Variants in ARHGEF9 observed in about 807,000 individuals in gnomAD.
ARHGEF9 encodes the protein rho guanine nucleotide exchange factor 9.
A neutral mutation model predicts 41.3 loss-of-function variants in ARHGEF9; 2 were observed. The observed-to-expected ratio is 0.05, with a 90% CI of 0.02 to 0.15. The LOEUF (loss-of-function observed/expected upper bound fraction) is 0.15. Ranked by LOEUF, ARHGEF9 falls within the 10% of genes least tolerant of loss-of-function variation. The pLI is 1.00. For synonymous variants in ARHGEF9, 160 were observed against 154.4 expected (o/e 1.04, Z -0.27); for missense variants, 225 against 424.7 (o/e 0.53, Z 4.13).
intron 8 of ARHGEF9, among the ~76,000 whole-genome samples, chrX:63,645,054 A>C (rs112973909): frequency 0.044 from 4,824 of 110,239 alleles, 180 homozygotes; most frequent in African/African-American, 0.12. Flanking sequence ...GGATTACAGG[A>C]ATGAGCCACT....
At chrX:63,706,995 T>C (rs782470851) in intron 2 of ARHGEF9, among the ~76,000 whole-genome samples, 10 of 112,350 alleles carry the variant, frequency 8.9e-5, no homozygotes, top group Non-Finnish European at 1.9e-5. Flanking sequence ...TAGCTATTAA[T>C]TGGCACCAAC....
intron 2 of ARHGEF9, among the ~76,000 whole-genome samples, chrX:63,711,447 C>G (rs782737047): frequency 9.0e-6 from 1 of 111,487 alleles, no homozygotes; most frequent in South Asian, 3.7e-4. Flanking sequence ...GGGACTGGCA[C>G]AAGAATAGAT....
At chrX:63,681,603 G>T (rs1356436907) in intron 4 of ARHGEF9, among the ~76,000 whole-genome samples, 1 of 110,833 alleles carries the variant, frequency 9.0e-6, no homozygotes, top group Non-Finnish European at 1.9e-5. Context: ...AGCAAAAAAA[G>T]TTCTAAGAGG....
rs782163767 is a variant in ARHGEF9, at chrX:63,638,179, G to A, written c.1421C>T (p.Ser474Phe). The change falls in exon 10 of 10, where the codon TCC becomes TTC. Residue 474 changes from serine (S) to phenylalanine (F), a missense_variant. Ser to Phe is a radical substitution (Grantham distance 155). Around this residue, in one of 3 missense-constraint regions of ARHGEF9, gnomAD observed 75 missense variants for 113.2 expected, o/e 0.66. Transcript: ENST00000671741. ...GVNSARSVPP[S>F]YPPPQDPLNH... ...TAACGGGTCCTGCGGTGGTGGGTAG[G>A]AAGGAGGAACTGAGCGGGCAGAGTT... 7.5e-6 allele frequency: 9 copies of A among 1,195,404 alleles called. No homozygotes were observed. The highest frequency in any genetic ancestry group is 7.9e-6 in the Non-Finnish European group (7 of 887,142).
intron 1 of ARHGEF9, among the ~76,000 whole-genome samples, chrX:63,758,297 G>C (rs1351620227): frequency 9.0e-6 from 1 of 110,984 alleles, no homozygotes; most frequent in Non-Finnish European, 1.9e-5. Flanking sequence ...CAGCTACCCT[G>C]ACACTGTTCT....
At chrX:63,728,147 C>G (rs1287149676) in intron 1 of ARHGEF9, among the ~76,000 whole-genome samples, 1 of 112,337 alleles carries the variant, frequency 8.9e-6, no homozygotes, top group African/African-American at 3.2e-5. Context: ...CAAGCCGGAG[C>G]AAAGGGATGT....
intron 1 of ARHGEF9, among the ~76,000 whole-genome samples, chrX:63,742,407 G>T (rs2055016462): frequency 9.0e-6 from 1 of 111,075 alleles, no homozygotes; most frequent in Non-Finnish European, 1.9e-5. Context: ...AAGAATCAGT[G>T]TGTAGATATG....
chrX:63,719,531 G>T lies in ARHGEF9; in HGVS notation c.210+5001C>A, dbSNP rs182832947. 1.1e-3 allele frequency: 302 copies of T among 285,432 alleles called. 1 individual carries two copies. The highest frequency in any genetic ancestry group is 1.6e-3 in the Non-Finnish European group (261 of 163,379). The allele number at this position is 285,432 out of a possible 1,213,427, so 23.5% of individuals were successfully genotyped here. On this transcript the variant is annotated intron_variant, in intron 2 of 9. Transcript: ENST00000671741. ...CTTCCACTGAAACAACCTTAAACTG[G>T]CAATGAATGACAGAACACATTGTTT...
At chrX:63,775,130 A>G (rs146314373) in intron 1 of ARHGEF9, among the ~76,000 whole-genome samples, 2 of 112,515 alleles carry the variant, frequency 1.8e-5, no homozygotes, top group Admixed American at 1.9e-4. Context: ...ATGAGATACC[A>G]TCTCACACCA....
chrX:63,748,835 C>G (rs2055434895), intron 1 of ARHGEF9, among the ~76,000 whole-genome samples: 1 of 112,206 alleles, frequency 8.9e-6, no homozygotes, highest in South Asian at 3.7e-4. Flanking sequence ...AGACATTTCA[C>G]AGACAAAACA....
chrX:63,649,702 TAAAG>T (rs1420502934), intron 8 of ARHGEF9, among the ~76,000 whole-genome samples: 1 of 110,474 alleles, frequency 9.1e-6, no homozygotes, highest in Non-Finnish European at 1.9e-5. Context: ...GCAAGACTAA[TAAAG>T]AAGAAAAGAG....
chrX:63,710,638 T>A (rs782476646), intron 2 of ARHGEF9, among the ~76,000 whole-genome samples: 1 of 107,557 alleles, frequency 9.3e-6, no homozygotes, highest in African/African-American at 3.4e-5. Flanking sequence ...CTTTCATGAT[T>A]AAAAAAAAAA....
At chrX:63,722,523 CG>C (rs1468530692) in intron 2 of ARHGEF9, among the ~76,000 whole-genome samples, 1 of 109,264 alleles carries the variant, frequency 9.2e-6, no homozygotes, top group Admixed American at 9.8e-5. Flanking sequence ...ACACTCCTCC[CG>C]GCCTTGGACT....
At chrX:63,749,212 CCTTT>C (rs1347692777) in intron 1 of ARHGEF9, among the ~76,000 whole-genome samples, 2 of 111,666 alleles carry the variant, frequency 1.8e-5, no homozygotes, top group Non-Finnish European at 3.8e-5. Flanking sequence ...TCCCAAATCT[CCTTT>C]CTTTCTTTTG....
At chrX:63,647,861 T>C (rs1453618828) in intron 8 of ARHGEF9, among the ~76,000 whole-genome samples, 3 of 111,400 alleles carry the variant, frequency 2.7e-5, no homozygotes, top group African/African-American at 9.8e-5. Flanking sequence ...CGTCTGGTCC[T>C]GGACTTTTTT....
chrX:63,735,008 G>A (rs2054526011), intron 1 of ARHGEF9, among the ~76,000 whole-genome samples: 1 of 111,175 alleles, frequency 9.0e-6, no homozygotes, highest in Non-Finnish European at 1.9e-5. Flanking sequence ...TGTTGAGCCA[G>A]CGTGGGTCTT....
rs1276117899 is a variant in ARHGEF9 at position 63,637,100 on chromosome X, A to G, written c.*928T>C. The G allele has an allele frequency of 3.4e-6, 1 of 295,721 alleles. No homozygotes were observed. Among genetic ancestry groups the G allele is most frequent in the Non-Finnish European group, 5.9e-6 (1 of 170,099 alleles). 24.4% of individuals were successfully genotyped at this position (295,721 alleles called of 1,213,427 possible). A position where few individuals can be genotyped will look rare whatever the true frequency, so the allele number is the denominator to read the frequency against. Reference sequence around the variant, plus strand: ...ACAGGCCTAGGGGGAGACCTATAACAAAAGTGACTTGAAAAAAGAGAATAA... The same window carrying G: ...ACAGGCCTAGGGGGAGACCTATAACGAAAGTGACTTGAAAAAAGAGAATAA... On this transcript the variant is annotated 3_prime_UTR_variant, in exon 10 of 10. Transcript: ENST00000671741.
chrX:63,747,105 C>T (rs1267792023), intron 1 of ARHGEF9, among the ~76,000 whole-genome samples: 4 of 112,332 alleles, frequency 3.6e-5, no homozygotes, highest in African/African-American at 1.3e-4. Flanking sequence ...TATCTGTACT[C>T]GTGTTGATCA....
chrX:63,646,946 G>C (rs1305355180), intron 8 of ARHGEF9, among the ~76,000 whole-genome samples: 2 of 110,842 alleles, frequency 1.8e-5, no homozygotes, highest in African/African-American at 6.6e-5. Context: ...GTTCCTTCAC[G>C]TCCCTTGTAA....
Sources: gnomAD v4.1 joint callset for allele counts (sites outside exome capture counted in the v4.1 genomes callset) on GRCh38, gnomAD v4.1.1 for gene constraint, gnomAD v4.1.1 regional missense constraint, MANE v1.5 for transcripts, NCBI Gene and HGNC (gene_info 2026-07-23, HGNC 2026-07-21) for gene names.